STOX2: variants seen among roughly 807,000 people sequenced by gnomAD.
STOX2 encodes storkhead box 2.
STOX2 carries 28 observed loss-of-function variants against 60.9 expected under a neutral mutation model. The observed-to-expected ratio is 0.46, with a 90% CI of 0.34 to 0.63. The LOEUF (loss-of-function observed/expected upper bound fraction) is 0.63, where lower values mean the gene tolerates loss of function less well. Ranked by LOEUF, STOX2 falls within the 30% of genes least tolerant of loss-of-function variation. The pLI, the probability that STOX2 is intolerant of heterozygous loss-of-function variation, is 0.01. For synonymous variants in STOX2, 472 were observed against 463.9 expected (o/e 1.02, Z -0.22); for missense variants, 1,024 against 1,187.7 (o/e 0.86, Z 2.03).
intron 1 of STOX2, among the ~76,000 whole-genome samples, chr4:183,850,908 G>C (rs201486469): frequency 3.6e-3 from 76 of 21,000 alleles, no homozygotes; most frequent in South Asian, 0.035. Flanking sequence ...ATGAGGGAAA[G>C]GATGAGGGAA....
In STOX2 at chr4:184,020,444, A is replaced by G. The variant is rs576349271; in HGVS notation, c.*3160A>G. ...GTGAACGTAATTGAAAGAGCTATTT[A>G]CTCTTTTGGAAATCTGATTTGAAGT... On this transcript the variant is annotated 3_prime_UTR_variant, in exon 4 of 4. Coordinates refer to ENST00000308497, the MANE Select transcript of STOX2 (RefSeq NM_020225.3). 1 of 151,232 alleles carries G rather than the reference A, an allele frequency of 6.6e-6. No homozygotes were observed. The highest frequency in any genetic ancestry group is 2.0e-4 in the East Asian group (1 of 5,128). 9.4% of individuals were successfully genotyped at this position (151,232 alleles called of 1,614,324 possible).
chr4:183,826,805 C>T (rs1739445575), intron 1 of STOX2, among the ~76,000 whole-genome samples: 1 of 152,172 alleles, frequency 6.6e-6, no homozygotes, highest in South Asian at 2.1e-4. Flanking sequence ...CCAGCTGGAC[C>T]AAAGACCCTC....
At chr4:183,854,679 C>G (rs11132211) in intron 1 of STOX2, among the ~76,000 whole-genome samples, 43,977 of 152,108 alleles carry the variant, frequency 0.29, 7,398 homozygotes, top group East Asian at 0.59. Context: ...TTTGACATCT[C>G]ATGGAGAAAT....
At chr4:183,940,231 C>T (rs550838430) in intron 1 of STOX2, among the ~76,000 whole-genome samples, 5 of 152,168 alleles carry the variant, frequency 3.3e-5, no homozygotes, top group Admixed American at 2.0e-4. Context: ...GAAATCAAGA[C>T]GCCCGGGTTC....
In STOX2 at chr4:183,865,038, C is replaced by T. The variant is rs1579350370; in HGVS notation, c.364+66983C>T. ...ATCCCAGTTACCCTGGGAACACCTTCCTGACCATCACAATCCACAAAGAAT... is the reference window on the plus strand; with the variant it reads ...ATCCCAGTTACCCTGGGAACACCTTTCTGACCATCACAATCCACAAAGAAT... On this transcript the variant is annotated intron_variant, in intron 1 of 2. Transcript: ENST00000513034. This position sits in a 1 kb window ranked among gnomAD's most constrained non-coding sequence, Gnocchi z 4.1. 6.6e-6 allele frequency among the ~76,000 whole-genome samples: 1 copy of T among 152,212 alleles called. No individual in the cohort carries two copies. The highest frequency in any genetic ancestry group is 1.5e-5 in the Non-Finnish European group (1 of 68,034).
chr4:183,912,367 C>CG (rs1553973771), intron 1 of STOX2, among the ~76,000 whole-genome samples: 91 of 152,216 alleles, frequency 6.0e-4, no homozygotes, highest in African/African-American at 2.0e-3. Flanking sequence ...ACCTCCCTCA[C>CG]TTTTCCACCT....
chr4:183,966,496 G>C (rs1266035228), intron 1 of STOX2, among the ~76,000 whole-genome samples: 1 of 152,176 alleles, frequency 6.6e-6, no homozygotes, highest in African/African-American at 2.4e-5. Flanking sequence ...TGAGTCCACT[G>C]AATTTCCATT....
At chr4:183,834,592 C>T (rs575702838) in intron 1 of STOX2, among the ~76,000 whole-genome samples, 1 of 152,250 alleles carries the variant, frequency 6.6e-6, no homozygotes, top group South Asian at 2.1e-4. Context: ...GCTGTTGGCT[C>T]TACATTCTAT....
At chr4:183,900,458 T>C (rs1486544424), upstream of STOX2, among the ~76,000 whole-genome samples, 1 of 152,032 alleles carries the variant, frequency 6.6e-6, no homozygotes, top group Non-Finnish European at 1.5e-5. Context: ...TTGTGATCCA[T>C]GGGAGGAGGT....
intron 1 of STOX2, among the ~76,000 whole-genome samples, chr4:183,952,895 G>C (rs1560901816): frequency 6.6e-6 from 1 of 152,058 alleles, no homozygotes; most frequent in Non-Finnish European, 1.5e-5. Flanking sequence ...GGAGGGACAT[G>C]GATGAAGCTG....
intron 1 of STOX2, among the ~76,000 whole-genome samples, chr4:183,842,618 T>C (rs10029809): frequency 0.92 from 139,553 of 152,186 alleles, 64,403 homozygotes; most frequent in East Asian, 0.99. Flanking sequence ...TGGAGGAAAG[T>C]GCTCTGTGAG....
intron 1 of STOX2, among the ~76,000 whole-genome samples, chr4:183,959,108 G>C (rs1743341030): frequency 6.6e-6 from 1 of 152,058 alleles, no homozygotes; most frequent in Admixed American, 6.6e-5. Flanking sequence ...ATTGAAATTA[G>C]TGCAGACCTC....
Position 183,906,702 on chromosome 4 carries a change from G to T in STOX2, c.-89G>T. On this transcript the variant is annotated 5_prime_UTR_variant, in exon 1 of 4. Coordinates refer to ENST00000308497, the MANE Select transcript of STOX2 (RefSeq NM_020225.3). ...GGAAAATGTGCGCAGAGTCCGCCCG[G>T]GTCGTGCCCGCCGTAGACGGATGAA... 1 of 1,356,682 alleles carries T rather than the reference G, an allele frequency of 7.4e-7. No individual in the cohort carries two copies. Among genetic ancestry groups the T allele is most frequent in the African/African-American group, 1.5e-5 (1 of 67,010 alleles). The allele number at this position is 1,356,682 out of a possible 1,614,324, so 84.0% of individuals were successfully genotyped here. A position where few individuals can be genotyped will look rare whatever the true frequency, so the allele number is the denominator to read the frequency against.
chr4:183,814,149 A>C (rs1015202100), intron 1 of STOX2, among the ~76,000 whole-genome samples: 4 of 152,204 alleles, frequency 2.6e-5, no homozygotes, highest in African/African-American at 9.6e-5. Flanking sequence ...CCACGAATGG[A>C]AAATATTAGG....
At chr4:183,909,164 G>A (rs1741707986) in intron 1 of STOX2, among the ~76,000 whole-genome samples, 1 of 152,216 alleles carries the variant, frequency 6.6e-6, no homozygotes, top group Admixed American at 6.5e-5. Context: ...GGGTTGGGAA[G>A]GATGTGTATC....
intron 1 of STOX2, among the ~76,000 whole-genome samples, chr4:183,969,007 CT>C (rs925728365): frequency 1.1e-4 from 16 of 152,274 alleles, no homozygotes; most frequent in African/African-American, 3.9e-4. Flanking sequence ...GGAGTGATGT[CT>C]TTCTTCATCA....
chr4:183,899,409 A>G (rs1313838051), intron 1 of STOX2, among the ~76,000 whole-genome samples: 1 of 152,256 alleles, frequency 6.6e-6, no homozygotes, highest in Non-Finnish European at 1.5e-5. Context: ...TGCCAAAGTC[A>G]GCCAAGTTAT....
intron 1 of STOX2, among the ~76,000 whole-genome samples, chr4:183,888,115 TCTACC>T (rs1366090972): frequency 6.6e-6 from 1 of 152,204 alleles, no homozygotes; most frequent in African/African-American, 2.4e-5. Flanking sequence ...TGTGTATCTT[TCTACC>T]CTACCGGGAG....
chr4:183,939,807 A>T (rs1742700622), intron 1 of STOX2, among the ~76,000 whole-genome samples: 1 of 152,170 alleles, frequency 6.6e-6, no homozygotes, highest in Non-Finnish European at 1.5e-5. Flanking sequence ...CATCTGCAAG[A>T]TGACATAATG....
Sources: gnomAD v4.1 joint callset for allele counts (sites outside exome capture counted in the v4.1 genomes callset) on GRCh38, gnomAD v4.1.1 for gene constraint, Gnocchi (gnomAD v3.1) non-coding constraint, MANE v1.5 for transcripts, NCBI Gene and HGNC (gene_info 2026-07-23, HGNC 2026-07-21) for gene names.